The following PIK3R4 variants were observed in gnomAD, a reference collection of about 807,000 sequenced individuals.
PIK3R4 encodes phosphoinositide 3-kinase regulatory subunit 4.
PIK3R4 carries 46 observed loss-of-function variants against 136.5 expected under a neutral mutation model. The observed-to-expected ratio is 0.34, with a 90% CI of 0.27 to 0.43. The LOEUF is 0.43. Among genes scored for constraint, PIK3R4 ranks in the 20% least tolerant of loss-of-function variants. PIK3R4 has a pLI of 1.00. For synonymous variants in PIK3R4, 557 were observed against 566.7 expected (o/e 0.98, Z 0.24); for missense variants, 1,331 against 1,649.5 (o/e 0.81, Z 3.35).
In PIK3R4 at chr3:130,730,211, C is replaced by T. The variant is rs1470300219; in HGVS notation, c.1585+97G>A. ...TATCTAATATATAGATCTGGTATTC[C>T]TTCACCTTACATGAAAACTACAAAT... On this transcript the variant is annotated intron_variant, in intron 5 of 19. Transcript: ENST00000356763. The T allele has an allele frequency of 1.6e-5, 16 of 979,848 alleles. No individual in the cohort carries two copies. In the East Asian group the frequency reaches 3.8e-4, roughly 23 times the overall value. 60.7% of individuals were successfully genotyped at this position (979,848 alleles called of 1,614,324 possible).
intron 4 of PIK3R4, 65 bp downstream of exon 4, chr3:130,733,483 G>T: frequency 1.0e-6 from 1 of 985,460 alleles, no homozygotes; most frequent in Non-Finnish European, 1.5e-6. Flanking sequence ...AGAAAAACAA[G>T]CAGTATTATA....
In PIK3R4 at chr3:130,733,576, A is replaced by G; in HGVS notation, c.1422T>C (p.Asp474=). The change falls in exon 4 of 20, where the codon GAT becomes GAC. Residue 474 remains aspartate (D), a synonymous_variant. Coordinates refer to ENST00000356763, the MANE Select transcript of PIK3R4 (RefSeq NM_014602.3). ...LPGIAHLAQD[D]ATIVRLAYAE... ...CATAGGCTAGTCTAACGATAGTAGC[A>G]TCATCTTGGGCTAAGTGGGCTATGC... 1 of 1,613,220 alleles carries G rather than the reference A, an allele frequency of 6.2e-7. No homozygotes were observed. The highest frequency in any genetic ancestry group is 8.5e-7 in the Non-Finnish European group (1 of 1,179,134).
At chr3:130,696,740 T>C (rs999959317) in intron 13 of PIK3R4, among the ~76,000 whole-genome samples, 2 of 152,200 alleles carry the variant, frequency 1.3e-5, no homozygotes, top group African/African-American at 4.8e-5. Flanking sequence ...AGTGGAGTAT[T>C]CTACTGATAC....
chr3:130,717,695 G>A (rs2066673504), intron 8 of PIK3R4, among the ~76,000 whole-genome samples: 1 of 152,204 alleles, frequency 6.6e-6, no homozygotes, highest in Non-Finnish European at 1.5e-5. Context: ...ACAAAAGTGG[G>A]AGAAAGCCAG....
chr3:130,722,170 C>T (rs903359366), intron 7 of PIK3R4, among the ~76,000 whole-genome samples: 4 of 150,188 alleles, frequency 2.7e-5, no homozygotes, highest in African/African-American at 9.7e-5. Flanking sequence ...TACTTTTAAA[C>T]AGTTTTAAAT....
chr3:130,735,112 C>T (rs532403995), intron 3 of PIK3R4, among the ~76,000 whole-genome samples: 1 of 152,186 alleles, frequency 6.6e-6, no homozygotes, highest in South Asian at 2.1e-4. Flanking sequence ...TCATCCAGTG[C>T]ACTGTTCAAT....
At chr3:130,735,174 A>G (rs2066779362) in intron 3 of PIK3R4, among the ~76,000 whole-genome samples, 1 of 152,198 alleles carries the variant, frequency 6.6e-6, no homozygotes, top group Admixed American at 6.5e-5. Flanking sequence ...TTAATATTTG[A>G]CATACTTAAG....
intron 12 of PIK3R4, among the ~76,000 whole-genome samples, chr3:130,704,488 T>TC (rs2066596010): frequency 6.6e-6 from 1 of 152,224 alleles, no homozygotes; most frequent in African/African-American, 2.4e-5. Context: ...ACCAGCATTT[T>TC]CCCCAAGTCC....
At chr3:130,737,037 C>G (rs1461918394) in intron 2 of PIK3R4, among the ~76,000 whole-genome samples, 2 of 152,188 alleles carry the variant, frequency 1.3e-5, no homozygotes, top group African/African-American at 4.8e-5. Flanking sequence ...TTTAACAAGT[C>G]TAAAGAGATC....
intron 2 of PIK3R4, among the ~76,000 whole-genome samples, chr3:130,741,220 T>A (rs531473174): frequency 6.6e-6 from 1 of 152,128 alleles, no homozygotes; most frequent in South Asian, 2.1e-4. Context: ...TAATCCAATA[T>A]GACTGGCGTG....
chr3:130,698,594 T>G (rs1386256328), intron 13 of PIK3R4, among the ~76,000 whole-genome samples: 1 of 152,212 alleles, frequency 6.6e-6, no homozygotes, highest in Admixed American at 6.5e-5. Flanking sequence ...GTTCTCATAC[T>G]TTCCTTTAAA....
chr3:130,680,469 T>A (rs1157219994), intron 19 of PIK3R4, 144 bp downstream of exon 19: 5 of 502,632 alleles, frequency 9.9e-6, no homozygotes, highest in Non-Finnish European at 1.8e-5. Flanking sequence ...TTAATTTTTT[T>A]AAATACAGAA....
intron 6 of PIK3R4, among the ~76,000 whole-genome samples, chr3:130,727,224 CTT>C (rs776308786): frequency 6.2e-5 from 9 of 144,188 alleles, no homozygotes; most frequent in Admixed American, 2.1e-4. Flanking sequence ...AACTTAAAGT[CTT>C]TTTTTTTTTT....
intron 13 of PIK3R4, among the ~76,000 whole-genome samples, chr3:130,696,558 AC>A (rs1241802807): frequency 6.6e-6 from 1 of 152,208 alleles, no homozygotes; most frequent in East Asian, 1.9e-4. Flanking sequence ...GAATTTCCTA[AC>A]TTCCCTTCTG....
rs1306493460 is a variant in PIK3R4, at chr3:130,745,050, T to C, written c.169A>G (p.Ile57Val). ...GTTAAAGGCAATGTGGGATCCTGAA[T>C]TGCAAAAACCTTCACAACGACCAGG... ...EGLVVVKVFA[I>V]QDPTLPLTSY... Residue 57 changes from isoleucine (I) to valine (V), a missense_variant, in exon 2 of 20, where the codon ATT becomes GTT. Physicochemically the swap from Ile to Val is conservative, Grantham distance 29. Coordinates refer to ENST00000356763, the MANE Select transcript of PIK3R4 (RefSeq NM_014602.3). The C allele has an allele frequency of 2.5e-6, 4 of 1,613,652 alleles. No individual in the cohort carries two copies. Among genetic ancestry groups the C allele is most frequent in the African/African-American group, 2.7e-5 (2 of 74,764 alleles).
At chr3:130,719,493 G>C (rs949592704) in intron 7 of PIK3R4, among the ~76,000 whole-genome samples, 1 of 152,052 alleles carries the variant, frequency 6.6e-6, no homozygotes, top group African/African-American at 2.4e-5. Context: ...CCAAGGTCTC[G>C]CATTTCTAAT....
intron 6 of PIK3R4, among the ~76,000 whole-genome samples, chr3:130,725,292 T>A (rs1009890058): frequency 6.6e-6 from 1 of 151,498 alleles, no homozygotes; most frequent in Non-Finnish European, 1.5e-5. Flanking sequence ...ACAGACTAGA[T>A]AGCCAGAAAA....
intron 11 of PIK3R4, 113 bp downstream of exon 11, chr3:130,706,835 A>G: frequency 1.4e-6 from 1 of 690,214 alleles, no homozygotes; most frequent in East Asian, 3.1e-5. Flanking sequence ...ACCTCCCTAA[A>G]AGACAAGTCA....
At chr3:130,728,415 G>C (rs376564972) in intron 6 of PIK3R4, 48 bp downstream of exon 6, 1 of 1,168,386 alleles carries the variant, frequency 8.6e-7, no homozygotes, top group East Asian at 2.5e-5. Flanking sequence ...GGAAGTATTT[G>C]AGAGGATGAT....
Sources: allele counts gnomAD v4.1 joint callset (sites outside exome capture counted in the v4.1 genomes callset), GRCh38; gene constraint gnomAD v4.1.1; transcripts MANE v1.5; gene names NCBI Gene and HGNC (gene_info 2026-07-23, HGNC 2026-07-21).